Variants in ASPH observed in about 807,000 individuals in gnomAD.
ASPH encodes the protein aspartate beta-hydroxylase.
ASPH carries 100 observed loss-of-function variants against 118.4 expected under a neutral mutation model. The observed-to-expected ratio is 0.84, with a 90% CI of 0.72 to 1.00. The LOEUF (loss-of-function observed/expected upper bound fraction) is 1.00, where lower values mean the gene tolerates loss of function less well. Among genes scored for constraint, ASPH ranks in the 50% least tolerant of loss-of-function variants. The probability of loss-of-function intolerance (pLI) is 0.00; values close to 1 mark genes in which losing one functional copy is unlikely to be tolerated. For synonymous variants in ASPH, 315 were observed against 325.6 expected (o/e 0.97, Z 0.35); for missense variants, 920 against 919.5 (o/e 1.00, Z -0.01).
chr8:61,677,787 A>G (rs1016011595), intron 3 of ASPH, among the ~76,000 whole-genome samples: 1 of 152,194 alleles, frequency 6.6e-6, no homozygotes, highest in African/African-American at 2.4e-5. Context: ...CATATTTAGT[A>G]TAAACATCTT....
intron 13 of ASPH, chr8:61,626,212 C>G: frequency 6.8e-7 from 1 of 1,473,226 alleles, no homozygotes; most frequent in Non-Finnish European, 9.0e-7. Flanking sequence ...TCACAGCCAT[C>G]TTTTGGAGCG....
At chr8:61,549,126 T>G (rs1824958494) in intron 20 of ASPH, among the ~76,000 whole-genome samples, 1 of 152,212 alleles carries the variant, frequency 6.6e-6, no homozygotes, top group South Asian at 2.1e-4. Context: ...TCAAATGTAT[T>G]TTTGATAAAT....
chr8:61,663,490 C>T, intron 3 of ASPH: 2 of 985,346 alleles, frequency 2.0e-6, no homozygotes, highest in Non-Finnish European at 2.4e-6. Context: ...CAGAAACCAG[C>T]ACAGTTAAGA....
chr8:61,651,300 A>G (rs1810847678), intron 4 of ASPH, 176 bp from the exon 5 acceptor site: 1 of 458,868 alleles, frequency 2.2e-6, no homozygotes, highest in Non-Finnish European at 3.8e-6. Context: ...AACATGGTAG[A>G]TATGTAAAAT....
chr8:61,624,120 CAG>C lies in ASPH; in HGVS notation c.935-5103_935-5102del, dbSNP rs566491279. On this transcript the variant is annotated intron_variant, in intron 13 of 24. Transcript: ENST00000379454. Reference sequence around the variant, plus strand: ...TAAGATCTAGTATTTGATAGCAAAACAGAGTTACTATAGCCAACAATAATTTA... The same window carrying C: ...TAAGATCTAGTATTTGATAGCAAAACAGTTACTATAGCCAACAATAATTTA... The C allele has an allele frequency of 1.1e-4, 76 of 678,938 alleles. 1 individual carries two copies. Among genetic ancestry groups the C allele is most frequent in the Middle Eastern group, 7.6e-4 (1 of 1,310 alleles). 42.1% of individuals were successfully genotyped at this position (678,938 alleles called of 1,614,324 possible).
chr8:61,576,778 C>T lies in ASPH; in HGVS notation c.1143G>A (p.Lys381=). The T allele has an allele frequency of 6.2e-7, 1 of 1,607,936 alleles. No homozygotes were observed. Among genetic ancestry groups the T allele is most frequent in the Admixed American group, 1.7e-5 (1 of 59,848 alleles). The part of the protein sequence containing the change: ...YPQSPRARYG[K]AQCEDDLAEK... The stretch of plus-strand genomic sequence containing the variant: ...GAGAAGGGTCTCAGAATACCTGCGC[C>T]TTCCCATATCTTGCTCGTGGACTCT... The change falls in exon 16 of 25, where the codon AAG becomes AAA. Residue 381 remains lysine, a synonymous_variant. Transcript: ENST00000379454.
chr8:61,712,614 T>C (rs1838314443), intron 1 of ASPH, among the ~76,000 whole-genome samples: 1 of 152,140 alleles, frequency 6.6e-6, no homozygotes, highest in Non-Finnish European at 1.5e-5. Flanking sequence ...ATGGGCAGAG[T>C]TTGTTCTAAA....
chr8:61,591,913 G>A (rs2133025903), intron 14 of ASPH, among the ~76,000 whole-genome samples: 1 of 152,354 alleles, frequency 6.6e-6, no homozygotes, highest in Admixed American at 6.5e-5. Context: ...TATTATTTGT[G>A]TAAAGGAAGT....
At chr8:61,638,223 A>AT (rs1858751250) in intron 11 of ASPH, 99 bp downstream of exon 11, 9 of 1,448,870 alleles carry the variant, frequency 6.2e-6, no homozygotes, top group African/African-American at 1.4e-5. Flanking sequence ...AATGTCTTGC[A>AT]TTTTTTCTAC....
intron 2 of ASPH, 59 bp downstream of exon 2, chr8:61,683,980 C>T: frequency 6.4e-7 from 1 of 1,562,216 alleles, no homozygotes; most frequent in Non-Finnish European, 8.8e-7. Context: ...ATATTCAAGA[C>T]TCCTAAGAGA....
chr8:61,570,944 T>C (rs1833308256), intron 16 of ASPH, among the ~76,000 whole-genome samples: 1 of 152,190 alleles, frequency 6.6e-6, no homozygotes, highest in Non-Finnish European at 1.5e-5. Flanking sequence ...TTTGGTGATA[T>C]GAAGAAAAAG....
chr8:61,518,217 G>T, intron 22 of ASPH, 94 bp from the exon 23 acceptor site: 1 of 1,009,982 alleles, frequency 9.9e-7, no homozygotes, highest in Non-Finnish European at 1.5e-6. Context: ...CATCCTCACT[G>T]CAGGAATGAG....
chr8:61,584,623 C>A (rs1838709033), intron 14 of ASPH, among the ~76,000 whole-genome samples: 1 of 73,022 alleles, frequency 1.4e-5, no homozygotes, highest in South Asian at 3.6e-4. Flanking sequence ...TTTCTTCTTT[C>A]TTTCTTTCCT....
At chr8:61,529,976 G>A in intron 21 of ASPH, among the ~76,000 whole-genome samples, 1 of 152,220 alleles carries the variant, frequency 6.6e-6, no homozygotes, top group East Asian at 1.9e-4. Flanking sequence ...TTCAATAGAT[G>A]AATGTGGGGG....
At chr8:61,651,609 G>A (rs1368408947) in intron 4 of ASPH, among the ~76,000 whole-genome samples, 2 of 152,212 alleles carry the variant, frequency 1.3e-5, no homozygotes, top group African/African-American at 2.4e-5. Flanking sequence ...CAGGTGAGAG[G>A]ACTGAATACT....
intron 21 of ASPH, among the ~76,000 whole-genome samples, chr8:61,527,662 A>G (rs1243594484): frequency 1.3e-5 from 2 of 152,182 alleles, no homozygotes; most frequent in East Asian, 1.9e-4. Context: ...GCAGCTTTGG[A>G]AAGTACACTC....
At chr8:61,646,948 C>T in intron 5 of ASPH, 70 bp from the exon 6 acceptor site, 1 of 1,597,452 alleles carries the variant, frequency 6.3e-7, no homozygotes, top group Middle Eastern at 1.7e-4. Flanking sequence ...GAAGGGCTGC[C>T]ACACACCTGC....
chr8:61,568,354 G>T (rs1832448390), intron 16 of ASPH, among the ~76,000 whole-genome samples: 1 of 152,094 alleles, frequency 6.6e-6, no homozygotes, highest in Admixed American at 6.5e-5. Context: ...CAGATTTGCT[G>T]ATTGTCTAAA....
intron 21 of ASPH, among the ~76,000 whole-genome samples, chr8:61,539,346 T>C (rs1586750681): frequency 1.3e-5 from 2 of 152,254 alleles, no homozygotes; most frequent in African/African-American, 2.4e-5. Context: ...TGAATTCGAC[T>C]GAGGGGCATA....
Sources: gnomAD v4.1 joint callset for allele counts (sites outside exome capture counted in the v4.1 genomes callset) on GRCh38, gnomAD v4.1.1 for gene constraint, MANE v1.5 for transcripts, NCBI Gene and HGNC (gene_info 2026-07-23, HGNC 2026-07-21) for gene names.